The following DOCK1 variants were observed in gnomAD, a reference collection of about 807,000 sequenced individuals.
DOCK1 encodes dedicator of cytokinesis 1.
A neutral mutation model predicts 262.7 loss-of-function variants in DOCK1; 138 were observed. That is an observed-to-expected ratio of 0.53 (90% CI 0.46 to 0.61). DOCK1 has a LOEUF of 0.61. Ranked by LOEUF, DOCK1 falls within the 20% of genes least tolerant of loss-of-function variation. DOCK1 has a pLI of 0.00. For synonymous variants in DOCK1, 866 were observed against 867.4 expected (o/e 1.00, Z 0.03); for missense variants, 1,908 against 2,370.7 (o/e 0.80, Z 4.05).
chr10:127,000,655 C>T (rs957648683), intron 10 of DOCK1: 7 of 198,656 alleles, frequency 3.5e-5, no homozygotes, highest in African/African-American at 7.0e-5. Flanking sequence ...ATGTGCAGGA[C>T]GGTCAAAGCA....
At chr10:127,003,957 T>TC (rs749124992) in intron 10 of DOCK1, among the ~76,000 whole-genome samples, 3 of 148,374 alleles carry the variant, frequency 2.0e-5, no homozygotes, top group African/African-American at 5.0e-5. Context: ...CTGTCTCCCC[T>TC]CCCCCCCAAA....
chr10:127,160,960 G>A (rs1469248713), intron 27 of DOCK1, among the ~76,000 whole-genome samples: 1 of 152,128 alleles, frequency 6.6e-6, no homozygotes, highest in African/African-American at 2.4e-5. Flanking sequence ...GTCTCAAAGT[G>A]ACATTAATTA....
chr10:127,017,278 C>CACACACAG (rs139808586), intron 12 of DOCK1, among the ~76,000 whole-genome samples: 3 of 150,890 alleles, frequency 2.0e-5, no homozygotes, highest in East Asian at 2.0e-4. Flanking sequence ...CATATAGACA[C>CACACACAG]ACACAGACAC....
At position 126,946,507 on chromosome 10, in the gene DOCK1, C is replaced by G. The variant is rs977250354; in HGVS notation, c.47-24195C>G. Among the ~76,000 whole-genome samples the G allele has an allele frequency of 1.5e-3, 225 of 152,276 alleles. 3 individuals carry two copies. In the Middle Eastern group the frequency reaches 0.02, roughly 14 times the overall value. ...GTTGCAGTGAGCTGAGATCGCAGCA[C>G]TACACTCCAGTCTGGGCAACAGAGC... On this transcript the variant is annotated intron_variant, in intron 1 of 51. Coordinates refer to ENST00000623213, the MANE Select transcript of DOCK1 (RefSeq NM_001290223.2).
rs191604647 is a variant in DOCK1, at chr10:127,411,276, G to A, written c.4428+352G>A. ...TGGACCCACCGAGTGCTGAGGTGCG[G>A]GGTGCTGACGTGGCTTTCTGCAGGT... On this transcript the variant is annotated intron_variant, in intron 43 of 51. Coordinates refer to ENST00000623213, the MANE Select transcript of DOCK1 (RefSeq NM_001290223.2). 2.0e-3 allele frequency among the ~76,000 whole-genome samples: 310 copies of A among 152,112 alleles called. 1 individual carries two copies. The highest frequency in any genetic ancestry group is 7.1e-3 in the African/African-American group (295 of 41,484).
At chr10:127,148,095 A>C (rs184841578) in intron 27 of DOCK1, among the ~76,000 whole-genome samples, 18 of 152,016 alleles carry the variant, frequency 1.2e-4, no homozygotes, top group African/African-American at 4.3e-4. Context: ...ATCATATCAA[A>C]CAGTGAAAGC....
intron 28 of DOCK1, among the ~76,000 whole-genome samples, chr10:127,253,810 G>C (rs1409172283): frequency 1.3e-5 from 2 of 151,120 alleles, no homozygotes; most frequent in African/African-American, 4.9e-5. Context: ...AGGAGTTTGA[G>C]GCTGCGGTGA....
intron 47 of DOCK1, among the ~76,000 whole-genome samples, chr10:127,428,643 AGTGCCGTGTGGATTGGGGT>A: frequency 1.5e-5 from 1 of 64,688 alleles, no homozygotes; most frequent in Non-Finnish European, 3.3e-5. Flanking sequence ...TGTGGATTGG[AGTGCCGTGTGGATTGGGGT>A]GCCGTGTGGA....
At chr10:127,239,423 A>G (rs1198763207) in intron 27 of DOCK1, among the ~76,000 whole-genome samples, 1 of 152,164 alleles carries the variant, frequency 6.6e-6, no homozygotes, top group Non-Finnish European at 1.5e-5. Flanking sequence ...GTATCATCAT[A>G]AACATTTAAT....
chr10:127,439,854 AGTC>A (rs1452134801), intron 49 of DOCK1, among the ~76,000 whole-genome samples: 1 of 152,094 alleles, frequency 6.6e-6, no homozygotes, highest in Non-Finnish European at 1.5e-5. Context: ...TTCATTCCAC[AGTC>A]GTGGGCGTGT....
chr10:127,073,393 T>A (rs183022950), intron 23 of DOCK1, among the ~76,000 whole-genome samples: 42 of 152,340 alleles, frequency 2.8e-4, no homozygotes, highest in African/African-American at 1.0e-3. Context: ...ACTACTCGAC[T>A]TCAAGTCTGC....
intron 29 of DOCK1, among the ~76,000 whole-genome samples, chr10:127,306,310 C>T (rs372754488): frequency 3.3e-5 from 5 of 152,076 alleles, no homozygotes; most frequent in Admixed American, 2.6e-4. Context: ...CCACCGTGAC[C>T]GGCCCATTTT....
chr10:127,134,004 A>T (rs1041476615), intron 27 of DOCK1, among the ~76,000 whole-genome samples: 1 of 152,264 alleles, frequency 6.6e-6, no homozygotes, highest in East Asian at 1.9e-4. Flanking sequence ...GCCCTGATTC[A>T]TAATGAAATC....
At chr10:127,321,939 C>T (rs1384310114) in intron 29 of DOCK1, among the ~76,000 whole-genome samples, 1 of 151,786 alleles carries the variant, frequency 6.6e-6, no homozygotes, top group Non-Finnish European at 1.5e-5. Context: ...CCTGTCCCTA[C>T]AAAAAATACA....
chr10:127,158,035 G>A (rs1450270504), intron 27 of DOCK1, among the ~76,000 whole-genome samples: 3 of 152,152 alleles, frequency 2.0e-5, no homozygotes, highest in Admixed American at 2.0e-4. Context: ...CCATCTAATT[G>A]TCCTTGAAGC....
chr10:127,026,761 A>C (rs2042893348), intron 16 of DOCK1, among the ~76,000 whole-genome samples: 1 of 152,294 alleles, frequency 6.6e-6, no homozygotes, highest in Admixed American at 6.5e-5. Flanking sequence ...TGGGCTCTTA[A>C]GGTGCCTGTC....
chr10:126,925,880 T>C (rs1400237825), intron 1 of DOCK1, among the ~76,000 whole-genome samples: 1 of 151,660 alleles, frequency 6.6e-6, no homozygotes, highest in Non-Finnish European at 1.5e-5. Flanking sequence ...GCCTGCTATG[T>C]GTGTTGGGTG....
chr10:127,046,227 T>C (rs1386555679), intron 21 of DOCK1, among the ~76,000 whole-genome samples: 1 of 152,214 alleles, frequency 6.6e-6, no homozygotes, highest in East Asian at 1.9e-4. Flanking sequence ...TGAAGCAGGC[T>C]TCATGCCAGG....
At chr10:127,369,888 C>T (rs1249141154) in intron 33 of DOCK1, among the ~76,000 whole-genome samples, 2 of 152,212 alleles carry the variant, frequency 1.3e-5, no homozygotes, top group Non-Finnish European at 2.9e-5. Flanking sequence ...AGCACAGGTA[C>T]TCAAGGCTGA....
Sources: allele counts gnomAD v4.1 joint callset (sites outside exome capture counted in the v4.1 genomes callset), GRCh38; gene constraint gnomAD v4.1.1; transcripts MANE v1.5; gene names NCBI Gene and HGNC (gene_info 2026-07-23, HGNC 2026-07-21).